Variants in CTSS observed in about 807,000 individuals in gnomAD.
CTSS encodes the protein cathepsin S.
In CTSS, 15 loss-of-function variants were observed where a neutral mutation model predicts 39.9. The ratio of observed to expected loss-of-function variants is 0.38; its 90% CI spans 0.25 to 0.58. The LOEUF is 0.58. Ranked by LOEUF, CTSS falls within the 20% of genes least tolerant of loss-of-function variation. The probability of loss-of-function intolerance (pLI) is 0.70; values close to 1 mark genes in which losing one functional copy is unlikely to be tolerated. For missense variants in CTSS, 250 were observed against 398.2 expected (o/e 0.63, Z 3.17); for synonymous variants, 126 against 138.2 (o/e 0.91, Z 0.62).
intron 4 of CTSS, among the ~76,000 whole-genome samples, chr1:150,753,023 A>G (rs587754561): frequency 4.6e-5 from 7 of 151,562 alleles, no homozygotes; most frequent in African/African-American, 1.7e-4. Context: ...GCTAATTTTT[A>G]TTTTTATTTT....
intron 5 of CTSS, among the ~76,000 whole-genome samples, 159 bp from the exon 6 acceptor site, chr1:150,750,330 G>A (rs181460361): frequency 7.9e-5 from 12 of 152,084 alleles, no homozygotes; most frequent in African/African-American, 2.2e-4. Context: ...TAACAGTCCC[G>A]GGTTTCAGCA....
intron 2 of CTSS, 52 bp from the exon 3 acceptor site, chr1:150,758,032 T>C (rs758646686): frequency 2.6e-6 from 4 of 1,554,802 alleles, no homozygotes; most frequent in South Asian, 1.2e-5. Context: ...GACAAATAAG[T>C]GTTTGATGAT....
At chr1:150,753,481 T>C (rs1341212904) in intron 4 of CTSS, among the ~76,000 whole-genome samples, 1 of 152,228 alleles carries the variant, frequency 6.6e-6, no homozygotes, top group Non-Finnish European at 1.5e-5. Context: ...ACAAGTGAAA[T>C]GGAGAAACTT....
intron 6 of CTSS, chr1:150,748,288 T>TAA (rs75569024): frequency 1.2e-4 from 16 of 133,144 alleles, no homozygotes; most frequent in Non-Finnish European, 1.6e-4. Flanking sequence ...GACTCCATCT[T>TAA]AAAAAAAAAA....
chr1:150,758,283 C>G (rs1390844303), intron 2 of CTSS, among the ~76,000 whole-genome samples: 2 of 152,060 alleles, frequency 1.3e-5, no homozygotes, highest in African/African-American at 4.8e-5. Flanking sequence ...CTGTTGACCT[C>G]AGGGGATCTG....
Position 150,733,133 on chromosome 1 carries a change from G to A in CTSS, c.909C>T (p.Asn303=), listed in dbSNP as rs765093272. ...YWLVKNSWGH[N]FGEEGYIRMA... is the part of the protein sequence containing the mutation. ...TCCGAATATATCCTTCTTCACCAAA[G>A]TTGTGGCCCCAGCTTTAGAAAAAGA... Residue 303 remains asparagine, a synonymous_variant, in exon 8 of 8, where the codon AAC becomes AAT. Transcript: ENST00000368985. 2.5e-6 allele frequency: 4 copies of A among 1,611,608 alleles called. No individual in the cohort carries two copies. The Admixed American group carries it at 5.0e-5, about 20-fold the overall frequency.
chr1:150,764,740 G>C lies in CTSS; in HGVS notation c.24C>G (p.Leu8=), dbSNP rs1238564528. MKRLVCV[L]LVCSSAVAQL... is the part of the protein sequence containing the mutation. ...GTGCCACTGCAGAGGAGCACACCAA[G>C]AGCACACAAACCAGCCGTTTCATTC... Residue 8 remains leucine (L), a synonymous_variant, in exon 2 of 8, where the codon CTC becomes CTG. Coordinates refer to ENST00000368985, the MANE Select transcript of CTSS (RefSeq NM_004079.5). The C allele has an allele frequency of 2.5e-6, 4 of 1,614,072 alleles. No individual in the cohort carries two copies. Among genetic ancestry groups the C allele is most frequent in the Non-Finnish European group, 3.4e-6 (4 of 1,179,984 alleles).
intron 5 of CTSS, among the ~76,000 whole-genome samples, chr1:150,751,444 C>T (rs1369548157): frequency 4.6e-5 from 7 of 152,010 alleles, no homozygotes; most frequent in Non-Finnish European, 8.8e-5. Flanking sequence ...GACAGGGTTT[C>T]ACCACGTTGG....
At chr1:150,761,619 T>A (rs1264785238) in intron 2 of CTSS, among the ~76,000 whole-genome samples, 2 of 151,998 alleles carry the variant, frequency 1.3e-5, no homozygotes. Context: ...TAATCCCAGC[T>A]ACTCAGGAGG....
At chr1:150,735,004 G>A (rs910074482) in intron 7 of CTSS, among the ~76,000 whole-genome samples, 1 of 152,186 alleles carries the variant, frequency 6.6e-6, no homozygotes, top group African/African-American at 2.4e-5. Flanking sequence ...TGTGTCTGGA[G>A]AGCAGTAAGA....
At chr1:150,751,732 G>T in intron 5 of CTSS, 49 bp downstream of exon 5, 1 of 1,541,874 alleles carries the variant, frequency 6.5e-7, no homozygotes, top group Non-Finnish European at 9.0e-7. Context: ...GTCAGTCAGT[G>T]GATAACATGA....
At chr1:150,762,329 A>G (rs995713291) in intron 2 of CTSS, among the ~76,000 whole-genome samples, 2 of 152,208 alleles carry the variant, frequency 1.3e-5, no homozygotes, top group African/African-American at 2.4e-5. Flanking sequence ...CAACCACTAT[A>G]AGAAAATATA....
intron 7 of CTSS, among the ~76,000 whole-genome samples, chr1:150,737,095 A>G (rs1484502619): frequency 6.6e-6 from 1 of 152,132 alleles, no homozygotes; most frequent in Non-Finnish European, 1.5e-5. Context: ...GGACTCAAGT[A>G]GAGTCCATCT....
chr1:150,733,597 G>A (rs1368591016), intron 7 of CTSS, among the ~76,000 whole-genome samples: 2 of 152,140 alleles, frequency 1.3e-5, no homozygotes, highest in Non-Finnish European at 2.9e-5. Context: ...GAATTCTAAA[G>A]CAAACAACAA....
intron 2 of CTSS, among the ~76,000 whole-genome samples, chr1:150,763,303 A>G (rs1287962604): frequency 1.3e-5 from 2 of 152,112 alleles, no homozygotes; most frequent in African/African-American, 4.8e-5. Context: ...TAGACAGGGA[A>G]AGGGGAGATG....
intron 7 of CTSS, among the ~76,000 whole-genome samples, chr1:150,737,511 G>C (rs1652660929): frequency 6.6e-6 from 1 of 152,100 alleles, no homozygotes; most frequent in African/African-American, 2.4e-5. Context: ...GTCCCAGAAA[G>C]CCTCGTAGCC....
intron 7 of CTSS, among the ~76,000 whole-genome samples, chr1:150,734,504 G>A (rs1363226182): frequency 6.6e-6 from 1 of 152,032 alleles, no homozygotes; most frequent in Non-Finnish European, 1.5e-5. Context: ...AGCTGGGCAT[G>A]GTAGCATGAG....
At chr1:150,755,260 C>G in intron 3 of CTSS, 110 bp from the exon 4 acceptor site, 1 of 1,256,270 alleles carries the variant, frequency 8.0e-7, no homozygotes, top group Non-Finnish European at 1.1e-6. Context: ...TGTACTTACA[C>G]AAACCTAGAG....
At chr1:150,756,887 T>C (rs1653143096) in intron 3 of CTSS, among the ~76,000 whole-genome samples, 1 of 152,022 alleles carries the variant, frequency 6.6e-6, no homozygotes, top group African/African-American at 2.4e-5. Context: ...CAGCTAATTT[T>C]GTATTTTTAG....
Sources: gnomAD v4.1 joint callset for allele counts (sites outside exome capture counted in the v4.1 genomes callset) on GRCh38, gnomAD v4.1.1 for gene constraint, MANE v1.5 for transcripts, NCBI Gene and HGNC (gene_info 2026-07-23, HGNC 2026-07-21) for gene names.